RAB27B: variants seen among roughly 807,000 people sequenced by gnomAD.
RAB27B encodes RAB27B, member RAS oncogene family.
A neutral mutation model predicts 24.6 loss-of-function variants in RAB27B; 15 were observed. The observed-to-expected ratio is 0.61, with a 90% CI of 0.41 to 0.94. The LOEUF (loss-of-function observed/expected upper bound fraction) is 0.94. RAB27B is among the 40% of genes least tolerant of loss of function. The probability of loss-of-function intolerance (pLI) is 0.00; values close to 1 mark genes in which losing one functional copy is unlikely to be tolerated. For missense variants in RAB27B, 261 were observed against 266.8 expected (o/e 0.98, Z 0.15); for synonymous variants, 105 against 92.5 (o/e 1.14, Z -0.78).
chr18:54,752,451 G>T (rs552801305), intron 2 of RAB27B, among the ~76,000 whole-genome samples: 12 of 152,318 alleles, frequency 7.9e-5, no homozygotes, highest in African/African-American at 2.9e-4. Context: ...GAGAATCATT[G>T]CTGTAAAGTA....
chr18:54,861,266 T>G (rs535573728), intron 1 of RAB27B, among the ~76,000 whole-genome samples: 1 of 151,772 alleles, frequency 6.6e-6, no homozygotes, highest in African/African-American at 2.4e-5. Context: ...ATCATTTTAT[T>G]AAACAAGCCA....
At chr18:54,819,124 T>C (rs1910212240) in intron 2 of RAB27B, among the ~76,000 whole-genome samples, 1 of 148,980 alleles carries the variant, frequency 6.7e-6, no homozygotes, top group Non-Finnish European at 1.5e-5. Context: ...CACATTACTT[T>C]AAAAATAGAA....
upstream of RAB27B, among the ~76,000 whole-genome samples, chr18:54,825,752 A>G (rs370688602): frequency 6.6e-6 from 1 of 152,174 alleles, no homozygotes; most frequent in Non-Finnish European, 1.5e-5. Flanking sequence ...GAGCAGATGG[A>G]GGAACTTATG....
intron 2 of RAB27B, among the ~76,000 whole-genome samples, chr18:54,793,041 T>G (rs1396652572): frequency 6.6e-6 from 1 of 152,146 alleles, no homozygotes; most frequent in Admixed American, 6.5e-5. Context: ...AAAAAAAATC[T>G]GCATTTAAAT....
At chr18:54,849,822 G>A (rs916092755) in intron 1 of RAB27B, among the ~76,000 whole-genome samples, 8 of 152,100 alleles carry the variant, frequency 5.3e-5, no homozygotes, top group African/African-American at 1.9e-4. Context: ...TTTACAAAAG[G>A]AAACTGAATA....
rs570921861 is a variant in RAB27B, at chr18:54,852,854, G to T, written c.-20+24154G>T. On this transcript the variant is annotated intron_variant, in intron 1 of 5. Coordinates refer to ENST00000262094, the MANE Select transcript of RAB27B (RefSeq NM_004163.4). ...CACTAAGGGTGAATATCTTGTTTCT[G>T]CATATGCCAACTATCTTGTTTCTCT... Among the ~76,000 whole-genome samples the T allele has an allele frequency of 1.0e-3, 152 of 152,274 alleles. 2 individuals are homozygous for T. The highest frequency in any genetic ancestry group is 3.6e-3 in the African/African-American group (149 of 41,560).
chr18:54,724,453 G>A (rs533747568), intron 2 of RAB27B, among the ~76,000 whole-genome samples: 2 of 151,446 alleles, frequency 1.3e-5, no homozygotes, highest in South Asian at 2.1e-4. Context: ...GCTGGGTGCC[G>A]TGGCTCATGC....
chr18:54,845,382 G>A (rs916361506), intron 1 of RAB27B, among the ~76,000 whole-genome samples: 45 of 135,582 alleles, frequency 3.3e-4, no homozygotes, highest in African/African-American at 1.2e-3. Context: ...ACTCCAGCCT[G>A]GGCGATAAGT....
intron 2 of RAB27B, among the ~76,000 whole-genome samples, chr18:54,732,343 A>C (rs1909756708): frequency 6.6e-6 from 1 of 152,240 alleles, no homozygotes; most frequent in Non-Finnish European, 1.5e-5. Flanking sequence ...TGCCTCTGTT[A>C]ATATATTCAA....
intron 2 of RAB27B, among the ~76,000 whole-genome samples, chr18:54,739,956 G>A (rs1478258423): frequency 6.6e-6 from 1 of 152,152 alleles, no homozygotes; most frequent in African/African-American, 2.4e-5. Context: ...CCATGTAGAT[G>A]TGTAAGAGTT....
chr18:54,872,530 CAGG>C (rs68142992), intron 1 of RAB27B, among the ~76,000 whole-genome samples: 4,685 of 151,274 alleles, frequency 0.031, 242 homozygotes, highest in African/African-American at 0.11. Context: ...GAGGCTGAGA[CAGG>C]AGAATGGCTT....
intron 1 of RAB27B, among the ~76,000 whole-genome samples, chr18:54,874,512 A>C (rs1197001823): frequency 1.3e-5 from 2 of 151,610 alleles, no homozygotes; most frequent in Non-Finnish European, 2.9e-5. Flanking sequence ...AGATTTGCTC[A>C]TGACTTAGTG....
chr18:54,842,724 T>C (rs1262187151), intron 1 of RAB27B, among the ~76,000 whole-genome samples: 1 of 152,248 alleles, frequency 6.6e-6, no homozygotes, highest in Non-Finnish European at 1.5e-5. Context: ...TCTGCAGGGC[T>C]GCTGCAACTA....
chr18:54,718,542 G>A (rs1278742161), intron 2 of RAB27B, among the ~76,000 whole-genome samples: 2 of 152,200 alleles, frequency 1.3e-5, no homozygotes, highest in Admixed American at 1.3e-4. Flanking sequence ...TATCATAGAT[G>A]TAGACTGCCA....
At chr18:54,888,293 C>T in intron 5 of RAB27B, 175 bp downstream of exon 5, 1 of 630,388 alleles carries the variant, frequency 1.6e-6, no homozygotes, top group Non-Finnish European at 2.5e-6. Context: ...ATAATAAGAG[C>T]ACCTAACATT....
At chr18:54,801,021 T>TTG (rs1909590645) in intron 2 of RAB27B, among the ~76,000 whole-genome samples, 1 of 144,738 alleles carries the variant, frequency 6.9e-6, no homozygotes, top group African/African-American at 2.6e-5. Flanking sequence ...TTTTTTTTTT[T>TTG]TTTTTTTTTT....
Position 54,889,393 on chromosome 18 carries a change from G to T in RAB27B, c.637G>T (p.Glu213Ter). The change falls in exon 6 of 6, where the codon GAG becomes TAG. Residue 213 changes from glutamate (E) to a stop codon, truncating the protein, a stop_gained. Coordinates refer to ENST00000262094, the MANE Select transcript of RAB27B (RefSeq NM_004163.4). LOFTEE classifies it high-confidence loss of function. ...SGNLDGEKPP[E>*]KKCIC Reference sequence around the variant, plus strand: ...AAACTTGGATGGGGAAAAGCCACCAGAGAAGAAATGTATCTGCTAGACTCT... The same window carrying T: ...AAACTTGGATGGGGAAAAGCCACCATAGAAGAAATGTATCTGCTAGACTCT... 1 of 1,612,658 alleles carries T rather than the reference G, an allele frequency of 6.2e-7. No individual in the cohort carries two copies. Among genetic ancestry groups the T allele is most frequent in the South Asian group, 1.1e-5 (1 of 90,886 alleles).
chr18:54,741,505 T>G (rs1399222409), intron 2 of RAB27B, among the ~76,000 whole-genome samples: 1 of 152,096 alleles, frequency 6.6e-6, no homozygotes, highest in Non-Finnish European at 1.5e-5. Context: ...TTTTTTCTTC[T>G]TTTTTTGAGA....
intron 3 of RAB27B, chr18:54,880,550 G>T (rs1008057905): frequency 6.6e-6 from 1 of 152,194 alleles, no homozygotes; most frequent in East Asian, 1.9e-4. Flanking sequence ...GAGAGGTGCT[G>T]GGCCCTCTCT....
Sources: gnomAD v4.1 joint callset for allele counts (sites outside exome capture counted in the v4.1 genomes callset) on GRCh38, gnomAD v4.1.1 for gene constraint, MANE v1.5 for transcripts, NCBI Gene and HGNC (gene_info 2026-07-23, HGNC 2026-07-21) for gene names.